The following ZFYVE16 variants were observed in gnomAD, a reference collection of about 807,000 sequenced individuals.
ZFYVE16 encodes the protein zinc finger FYVE-type containing 16.
In ZFYVE16, 89 loss-of-function variants were observed where a neutral mutation model predicts 138.1. The ratio of observed to expected loss-of-function variants is 0.64; its 90% confidence interval spans 0.54 to 0.77. The LOEUF (loss-of-function observed/expected upper bound fraction) is 0.77, where lower values mean the gene tolerates loss of function less well. Among genes scored for constraint, ZFYVE16 ranks in the 30% least tolerant of loss-of-function variants. The probability of loss-of-function intolerance (pLI) is 0.00; values close to 1 mark genes in which losing one functional copy is unlikely to be tolerated. For synonymous variants in ZFYVE16, 596 were observed against 618.3 expected (o/e 0.96, Z 0.53); for missense variants, 1,793 against 1,786.7 (o/e 1.00, Z -0.06).
rs749786557 is a variant in ZFYVE16, at chr5:80,436,763, A to G, written c.78A>G (p.Gln26=). The G allele has an allele frequency of 1.9e-6, 3 of 1,606,810 alleles. No individual in the cohort carries two copies. Among genetic ancestry groups the G allele is most frequent in the East Asian group, 2.2e-5 (1 of 44,738 alleles). The change falls in exon 4 of 19, where the codon CAA becomes CAG. Residue 26 remains glutamine (Q), a synonymous_variant. Transcript: ENST00000505560. Reference sequence around the variant, plus strand: ...ACTGTTTCTCTATTTCAGATGAACAAGATTATCTCCAAGATGTACAAAATG... The same window carrying G: ...ACTGTTTCTCTATTTCAGATGAACAGGATTATCTCCAAGATGTACAAAATG... ...LDDFEQNPDE[Q]DYLQDVQNAY... is the part of the protein sequence containing the mutation.
At chr5:80,461,166 C>T (rs1297584933) in intron 15 of ZFYVE16, among the ~76,000 whole-genome samples, 1 of 152,170 alleles carries the variant, frequency 6.6e-6, no homozygotes, top group Admixed American at 6.5e-5. Flanking sequence ...TCAGATTTCA[C>T]CTTTCAATTT....
At chr5:80,418,673 T>C (rs931065013) in intron 1 of ZFYVE16, among the ~76,000 whole-genome samples, 15 of 152,168 alleles carry the variant, frequency 9.9e-5, no homozygotes, top group African/African-American at 3.4e-4. Flanking sequence ...TACAAGTCCT[T>C]AATCAGATAT....
chr5:80,417,208 A>AGT (rs1580090596), intron 1 of ZFYVE16, among the ~76,000 whole-genome samples: 1 of 152,204 alleles, frequency 6.6e-6, no homozygotes, highest in East Asian at 1.9e-4. Flanking sequence ...ACTAGGGTAG[A>AGT]GTGCCTGTCT....
At chr5:80,417,990 T>C (rs1746504590) in intron 1 of ZFYVE16, among the ~76,000 whole-genome samples, 2 of 152,216 alleles carry the variant, frequency 1.3e-5, no homozygotes, top group Admixed American at 6.5e-5. Context: ...TTCTAGTAGA[T>C]GTGAAGTGGA....
chr5:80,460,461 TTTTA>T (rs1752985658), intron 15 of ZFYVE16, among the ~76,000 whole-genome samples: 1 of 152,224 alleles, frequency 6.6e-6, no homozygotes, highest in Non-Finnish European at 1.5e-5. Flanking sequence ...GGCTAATGTT[TTTTA>T]TTTAAGAAAT....
At chr5:80,418,222 C>G (rs1414425922) in intron 1 of ZFYVE16, among the ~76,000 whole-genome samples, 3 of 149,528 alleles carry the variant, frequency 2.0e-5, no homozygotes, top group Admixed American at 6.7e-5. Flanking sequence ...TTCTCCTCTC[C>G]TCTCTCCTTT....
At position 80,459,460 on chromosome 5, in the gene ZFYVE16, T is replaced by C; in HGVS notation, c.3990T>C (p.Ser1330=). 2.5e-6 allele frequency: 4 copies of C among 1,613,368 alleles called. No individual in the cohort carries two copies. Among genetic ancestry groups the C allele is most frequent in the Non-Finnish European group, 3.4e-6 (4 of 1,179,638 alleles). The change falls in exon 15 of 19, where the codon TCT becomes TCC. Residue 1330 remains serine (S), a synonymous_variant. Transcript: ENST00000505560. The part of the protein sequence containing the change: ...FVVFNGALKT[S]SGFLAKSSIV... ...TATTCAATGGAGCTCTAAAAACATC[T>C]TCAGGATTTCTTGCTAAGTCCAGCA...
At position 80,443,290 on chromosome 5, in the gene ZFYVE16, A is replaced by G; in HGVS notation, c.2581+6A>G. 1.9e-6 allele frequency: 3 copies of G among 1,602,756 alleles called. No individual in the cohort carries two copies. The highest frequency in any genetic ancestry group is 2.5e-6 in the Non-Finnish European group (3 of 1,177,438). On this transcript the variant is annotated splice_donor_region_variant and intron_variant, in intron 6 of 18. Transcript: ENST00000505560. Reference sequence around the variant, plus strand: ...TAAACAACCAGGTGTTGAAGGTAATAGAAGAAAACTGTGTCTTAGACTAAA... The same window carrying G: ...TAAACAACCAGGTGTTGAAGGTAATGGAAGAAAACTGTGTCTTAGACTAAA...
At chr5:80,452,077 C>A in intron 11 of ZFYVE16, 1 of 166,762 alleles carries the variant, frequency 6.0e-6, no homozygotes, top group South Asian at 1.7e-4. Context: ...ACCAGTTGAG[C>A]ATCCCAAATT....
rs1755338051 is a variant in ZFYVE16 at position 80,483,331 on chromosome 5, T to G, written c.*5954T>G. 6.6e-6 allele frequency among the ~76,000 whole-genome samples: 1 copy of G among 152,196 alleles called. No homozygotes were observed. Among genetic ancestry groups the G allele is most frequent in the African/African-American group, 2.4e-5 (1 of 41,450 alleles). Reference sequence around the variant, plus strand: ...TCTGGATAAACCAAATAGACTTACATGTTTGTTAAAATATATGTAACTGCT... The same window carrying G: ...TCTGGATAAACCAAATAGACTTACAGGTTTGTTAAAATATATGTAACTGCT... On this transcript the variant is annotated 3_prime_UTR_variant, in exon 19 of 19. Coordinates refer to ENST00000505560, the MANE Select transcript of ZFYVE16 (RefSeq NM_001284236.3).
chr5:80,442,349 C>A (rs1750803494), intron 5 of ZFYVE16, among the ~76,000 whole-genome samples: 1 of 152,214 alleles, frequency 6.6e-6, no homozygotes. Context: ...CTTAAACGAT[C>A]TGCCTGCTTT....
At chr5:80,468,366 C>A (rs1753947490) in intron 15 of ZFYVE16, among the ~76,000 whole-genome samples, 3 of 152,196 alleles carry the variant, frequency 2.0e-5, no homozygotes, top group Admixed American at 2.0e-4. Context: ...AGTGCACTTA[C>A]ACAAACCTAA....
intron 10 of ZFYVE16, 98 bp downstream of exon 10, chr5:80,450,684 T>G: frequency 8.3e-7 from 1 of 1,200,282 alleles, no homozygotes; most frequent in Non-Finnish European, 1.1e-6. Flanking sequence ...AAAGATTTAT[T>G]TCTGTGAAGA....
At chr5:80,457,119 T>G (rs1267136469) in intron 14 of ZFYVE16, 27 bp downstream of exon 14, 7 of 1,602,642 alleles carry the variant, frequency 4.4e-6, no homozygotes, top group Non-Finnish European at 5.9e-6. Context: ...CTAGTGCTAA[T>G]TTACAAAACC....
intron 15 of ZFYVE16, among the ~76,000 whole-genome samples, chr5:80,471,926 C>G (rs1754423877): frequency 6.6e-6 from 1 of 152,112 alleles, no homozygotes; most frequent in South Asian, 2.1e-4. Flanking sequence ...TCTATTTTGC[C>G]TATAGATTTT....
At chr5:80,425,256 T>G (rs1260545171) in intron 1 of ZFYVE16, among the ~76,000 whole-genome samples, 1 of 152,238 alleles carries the variant, frequency 6.6e-6, no homozygotes, top group African/African-American at 2.4e-5. Flanking sequence ...TTAGGTAATT[T>G]CTTCAGATAG....
intron 1 of ZFYVE16, among the ~76,000 whole-genome samples, chr5:80,416,223 A>G (rs1746198738): frequency 7.3e-6 from 1 of 137,846 alleles, no homozygotes; most frequent in African/African-American, 2.7e-5. Flanking sequence ...TCAATCATTT[A>G]CTTACGTCAG....
intron 1 of ZFYVE16, among the ~76,000 whole-genome samples, chr5:80,418,268 T>C (rs1746550944): frequency 2.0e-5 from 3 of 148,586 alleles, no homozygotes; most frequent in Non-Finnish European, 4.5e-5. Flanking sequence ...CCCTCCTCTT[T>C]GCTCTTTCTT....
At chr5:80,458,286 ATATT>A (rs928905782) in intron 14 of ZFYVE16, among the ~76,000 whole-genome samples, 14 of 152,060 alleles carry the variant, frequency 9.2e-5, no homozygotes, top group African/African-American at 1.4e-4. Flanking sequence ...AAAGTTATTA[ATATT>A]TATAGTGAAA....
Sources: gnomAD v4.1 joint callset for allele counts (sites outside exome capture counted in the v4.1 genomes callset) on GRCh38, gnomAD v4.1.1 for gene constraint, MANE v1.5 for transcripts, NCBI Gene and HGNC (gene_info 2026-07-23, HGNC 2026-07-21) for gene names.